The following FAT3 variants were observed in gnomAD, a reference collection of about 807,000 sequenced individuals.
FAT3 encodes the protein FAT atypical cadherin 3.
A neutral mutation model predicts 310.2 loss-of-function variants in FAT3; 95 were observed. The ratio of observed to expected loss-of-function variants is 0.31; its 90% CI spans 0.26 to 0.36. The LOEUF is 0.36. Ranked by LOEUF, FAT3 falls within the 10% of genes least tolerant of loss-of-function variation. The probability of loss-of-function intolerance (pLI) is 1.00; values close to 1 mark genes in which losing one functional copy is unlikely to be tolerated. For missense variants in FAT3, 5,408 were observed against 5,715.6 expected (o/e 0.95, Z 1.74); for synonymous variants, 2,314 against 2,192.9 (o/e 1.06, Z -1.54).
chr11:92,808,703 A>G (rs1164521454), intron 12 of FAT3, among the ~76,000 whole-genome samples: 2 of 152,128 alleles, frequency 1.3e-5, no homozygotes, highest in African/African-American at 4.8e-5. Context: ...AGGTGGGTGG[A>G]TCACAAAGTC....
chr11:92,730,701 A>G (rs1945149408), intron 4 of FAT3, among the ~76,000 whole-genome samples: 1 of 152,186 alleles, frequency 6.6e-6, no homozygotes, highest in African/African-American at 2.4e-5. Context: ...AAGTTTTCAA[A>G]CCTGTTTATT....
At chr11:92,703,358 G>A (rs1471111392) in intron 4 of FAT3, among the ~76,000 whole-genome samples, 1 of 152,144 alleles carries the variant, frequency 6.6e-6, no homozygotes, top group Admixed American at 6.5e-5. Flanking sequence ...CCATTAAACA[G>A]TCCACAGTTT....
intron 4 of FAT3, among the ~76,000 whole-genome samples, chr11:92,750,055 C>T (rs558810116): frequency 1.0e-3 from 152 of 152,302 alleles, no homozygotes; most frequent in African/African-American, 3.6e-3. Context: ...ATTCGTTCAC[C>T]TGAGAGCTGA....
intron 1 of FAT3, among the ~76,000 whole-genome samples, chr11:92,294,606 A>C (rs1483243950): frequency 6.6e-6 from 1 of 152,058 alleles, no homozygotes; most frequent in East Asian, 1.9e-4. Flanking sequence ...ACAGCCATCA[A>C]GAGTTCATTC....
chr11:92,464,419 T>C (rs1951710362), intron 2 of FAT3, among the ~76,000 whole-genome samples: 1 of 152,234 alleles, frequency 6.6e-6, no homozygotes, highest in Admixed American at 6.5e-5. Context: ...TTCAAATCAC[T>C]ATCTCCGATT....
At chr11:92,528,552 A>G (rs1329090291) in intron 3 of FAT3, among the ~76,000 whole-genome samples, 4 of 152,074 alleles carry the variant, frequency 2.6e-5, no homozygotes, top group Admixed American at 2.0e-4. Context: ...ACACCCGGCT[A>G]ATTTTTTGTA....
chr11:92,822,179 G>A (rs748904099), intron 13 of FAT3, among the ~76,000 whole-genome samples: 8 of 152,164 alleles, frequency 5.3e-5, no homozygotes, highest in Non-Finnish European at 1.0e-4. Context: ...CTTCCAAAAA[G>A]GAGGTATCTT....
intron 7 of FAT3, among the ~76,000 whole-genome samples, chr11:92,776,759 T>A (rs1946608933): frequency 6.6e-6 from 1 of 152,180 alleles, no homozygotes; most frequent in Non-Finnish European, 1.5e-5. Context: ...TCTAAAGTAT[T>A]CAAGTCACTC....
chr11:92,395,566 C>T (rs1001137968), intron 2 of FAT3, among the ~76,000 whole-genome samples: 1 of 151,814 alleles, frequency 6.6e-6, no homozygotes, highest in African/African-American at 2.4e-5. Context: ...ATCCCTATGA[C>T]CCAGATTCAG....
At chr11:92,706,336 C>A (rs1337057782) in intron 4 of FAT3, among the ~76,000 whole-genome samples, 1 of 152,086 alleles carries the variant, frequency 6.6e-6, no homozygotes, top group Non-Finnish European at 1.5e-5. Context: ...AGAGCTAGTA[C>A]ATTCAAAACA....
chr11:92,857,674 G>A (rs998484411), intron 20 of FAT3, among the ~76,000 whole-genome samples: 1 of 152,174 alleles, frequency 6.6e-6, no homozygotes, highest in Non-Finnish European at 1.5e-5. Context: ...AGGAATCTGA[G>A]GATCTGTGGC....
At chr11:92,342,800 A>G (rs959200952) in intron 1 of FAT3, among the ~76,000 whole-genome samples, 1 of 152,192 alleles carries the variant, frequency 6.6e-6, no homozygotes, top group Non-Finnish European at 1.5e-5. Context: ...CGAGGCCTAC[A>G]AGAGAAAAAA....
At chr11:92,313,076 C>G (rs1947351767) in intron 1 of FAT3, among the ~76,000 whole-genome samples, 1 of 152,180 alleles carries the variant, frequency 6.6e-6, no homozygotes, top group East Asian at 1.9e-4. Context: ...TTAGTAAAGT[C>G]AGTTCTGCTA....
At chr11:92,521,602 G>A (rs373703399) in intron 2 of FAT3, among the ~76,000 whole-genome samples, 10 of 152,172 alleles carry the variant, frequency 6.6e-5, no homozygotes, top group South Asian at 2.1e-4. Flanking sequence ...AACAAGATTC[G>A]CTTGGGTTGA....
At chr11:92,439,680 T>G (rs1430318083) in intron 2 of FAT3, among the ~76,000 whole-genome samples, 1 of 151,894 alleles carries the variant, frequency 6.6e-6, no homozygotes, top group Non-Finnish European at 1.5e-5. Flanking sequence ...CTTTGGGAGG[T>G]GGAGGCAGGA....
intron 22 of FAT3, among the ~76,000 whole-genome samples, chr11:92,877,033 T>C (rs944265016): frequency 6.6e-6 from 1 of 152,154 alleles, no homozygotes; most frequent in African/African-American, 2.4e-5. Flanking sequence ...ACCCCACTGC[T>C]ATGGAATTAA....
intron 2 of FAT3, among the ~76,000 whole-genome samples, chr11:92,450,183 G>T (rs1437130178): frequency 6.6e-6 from 1 of 152,176 alleles, no homozygotes; most frequent in African/African-American, 2.4e-5. Context: ...TTCATTCATT[G>T]CCTTCAGGCC....
At chr11:92,611,905 A>G (rs1440918836) in intron 3 of FAT3, among the ~76,000 whole-genome samples, 9 of 152,216 alleles carry the variant, frequency 5.9e-5, no homozygotes, top group Non-Finnish European at 1.0e-4. Context: ...TTTTCACCGC[A>G]TACCCCTTTA....
chr11:92,565,654 C>A (rs1955405539), intron 3 of FAT3, among the ~76,000 whole-genome samples: 4 of 150,014 alleles, frequency 2.7e-5, no homozygotes, highest in Admixed American at 6.7e-5. Flanking sequence ...TACTGGCAAA[C>A]CGAATCCAGC....
Sources: gnomAD v4.1 joint callset for allele counts (sites outside exome capture counted in the v4.1 genomes callset) on GRCh38, gnomAD v4.1.1 for gene constraint, MANE v1.5 for transcripts, NCBI Gene and HGNC (gene_info 2026-07-23, HGNC 2026-07-21) for gene names.